Variants in NCOA5 observed in about 807,000 individuals in gnomAD.
NCOA5 encodes nuclear receptor coactivator 5.
A neutral mutation model predicts 59.0 loss-of-function variants in NCOA5; 12 were observed. The observed-to-expected ratio is 0.20, with a 90% CI of 0.13 to 0.33. The LOEUF is 0.33. NCOA5 is among the 10% of genes least tolerant of loss of function. The pLI, the probability that NCOA5 is intolerant of heterozygous loss-of-function variation, is 1.00. For synonymous variants in NCOA5, 270 were observed against 275.5 expected, an observed-to-expected ratio of 0.98 and a Z score of 0.20; for missense variants, 655 against 766.6, an observed-to-expected ratio of 0.85 and a Z score of 1.72.
At chr20:46,065,909 T>C (rs11700057) in intron 5 of NCOA5, among the ~76,000 whole-genome samples, 10 of 152,210 alleles carry the variant, frequency 6.6e-5, no homozygotes, top group Non-Finnish European at 1.3e-4. Context: ...TTATGATTAC[T>C]GTGAAGATTA....
chr20:46,079,297 G>A, intron 2 of NCOA5, 90 bp downstream of exon 2: 1 of 1,237,142 alleles, frequency 8.1e-7, no homozygotes, highest in East Asian at 2.3e-5. Context: ...ACTTGTTGGG[G>A]GGAAGAAAAG....
At chr20:46,068,752 T>G (rs2084850847) in intron 3 of NCOA5, 114 bp from the exon 4 acceptor site, 1 of 941,872 alleles carries the variant, frequency 1.1e-6, no homozygotes, top group Non-Finnish European at 1.6e-6. Flanking sequence ...ACTCACTGCA[T>G]TATCAGCTCT....
At chr20:46,064,932 G>A (rs2084805157) in intron 6 of NCOA5, 97 bp downstream of exon 6, 3 of 1,172,668 alleles carry the variant, frequency 2.6e-6, no homozygotes, top group East Asian at 2.3e-5. Flanking sequence ...TATGAACTGA[G>A]ATATAAGAGT....
chr20:46,065,389 G>A (rs2084812772), intron 5 of NCOA5, among the ~76,000 whole-genome samples, 161 bp from the exon 6 acceptor site: 1 of 152,056 alleles, frequency 6.6e-6, no homozygotes. Context: ...CTCTACCCTG[G>A]CTCAGAACGG....
chr20:46,086,741 T>A (rs1042944321), intron 1 of NCOA5, among the ~76,000 whole-genome samples: 1 of 152,208 alleles, frequency 6.6e-6, no homozygotes, highest in Admixed American at 6.5e-5. Context: ...GCAGTAATCA[T>A]TAATAAACCA....
At chr20:46,080,054 C>G (rs1008414559) in intron 1 of NCOA5, among the ~76,000 whole-genome samples, 12 of 135,482 alleles carry the variant, frequency 8.9e-5, no homozygotes, top group Admixed American at 7.5e-4. Flanking sequence ...AAGAATATGA[C>G]CTGTTAACAT....
chr20:46,079,250 A>C lies in NCOA5; in HGVS notation c.38+137T>G, dbSNP rs193025780. On this transcript the variant is annotated intron_variant, in intron 2 of 7. Coordinates refer to ENST00000290231, the MANE Select transcript of NCOA5 (RefSeq NM_020967.3). ...TAAAAAAAGCAGCAAGGCCCTTCAC[A>C]CAGGGTTCATGTTCTTATTGTTTGC... 45 of 786,154 alleles carry C rather than the reference A, an allele frequency of 5.7e-5. No homozygotes were observed. The East Asian group carries it at 1.1e-3, about 19-fold the overall frequency. 48.7% of individuals were successfully genotyped at this position (786,154 alleles called of 1,614,324 possible).
At chr20:46,076,354 C>T (rs1441611999) in intron 2 of NCOA5, among the ~76,000 whole-genome samples, 1 of 152,116 alleles carries the variant, frequency 6.6e-6, no homozygotes, top group Non-Finnish European at 1.5e-5. Flanking sequence ...AGTGTTCACC[C>T]TCAGTTAAAT....
chr20:46,088,780 C>T (rs1378749144), intron 1 of NCOA5, among the ~76,000 whole-genome samples: 2 of 152,228 alleles, frequency 1.3e-5, no homozygotes, highest in Non-Finnish European at 2.9e-5. Context: ...AAATTCTGTG[C>T]ACAGAGTGCA....
At chr20:46,074,423 T>C (rs893843319) in intron 2 of NCOA5, among the ~76,000 whole-genome samples, 1 of 152,164 alleles carries the variant, frequency 6.6e-6, no homozygotes, top group African/African-American at 2.4e-5. Context: ...AAATGCAGCA[T>C]ACCCTCAGGT....
At chr20:46,064,449 G>A (rs999955001) in intron 6 of NCOA5, among the ~76,000 whole-genome samples, 1 of 152,232 alleles carries the variant, frequency 6.6e-6, no homozygotes, top group Non-Finnish European at 1.5e-5. Flanking sequence ...GGAGGACTTC[G>A]AGAACTGGGC....
chr20:46,086,138 C>T (rs149606459), intron 1 of NCOA5, among the ~76,000 whole-genome samples: 3 of 152,272 alleles, frequency 2.0e-5, no homozygotes, highest in East Asian at 3.9e-4. Context: ...TCAGCCTCCC[C>T]AAACGCTGGG....
At chr20:46,089,485 G>A (rs1446536755) in intron 1 of NCOA5, among the ~76,000 whole-genome samples, 1 of 152,210 alleles carries the variant, frequency 6.6e-6, no homozygotes, top group Non-Finnish European at 1.5e-5. Flanking sequence ...GGTGCGGGAT[G>A]TGCGGCTCAA....
At chr20:46,064,956 C>T (rs2084805588) in intron 6 of NCOA5, 73 bp downstream of exon 6, 1 of 1,522,592 alleles carries the variant, frequency 6.6e-7, no homozygotes, top group South Asian at 1.1e-5. Context: ...TTGCCCAAAA[C>T]CTGCTTCTTC....
At chr20:46,087,021 G>A (rs902534048) in intron 1 of NCOA5, among the ~76,000 whole-genome samples, 12 of 152,138 alleles carry the variant, frequency 7.9e-5, no homozygotes, top group African/African-American at 2.9e-4. Context: ...CTAATTATGT[G>A]ATCTGGGGCA....
rs187178312 is a variant in NCOA5 at position 46,066,264 on chromosome 20, G to A, written c.629+791C>T. 3.3e-5 allele frequency among the ~76,000 whole-genome samples: 5 copies of A among 152,312 alleles called. No individual in the cohort carries two copies. In the East Asian group the frequency reaches 9.7e-4, roughly 29 times the overall value. On this transcript the variant is annotated intron_variant, in intron 5 of 7. Transcript: ENST00000290231. ...TGCTCTGCCTCTTCAAGGAGAAAAT[G>A]TAAAACAGGGATGCAGTGAAACAAT... is the stretch of plus-strand genomic sequence containing the variant.
At chr20:46,083,923 C>T (rs982355300) in intron 1 of NCOA5, among the ~76,000 whole-genome samples, 1 of 152,180 alleles carries the variant, frequency 6.6e-6, no homozygotes, top group African/African-American at 2.4e-5. Context: ...GTTATGCTTG[C>T]TCTTTCTAAA....
intron 4 of NCOA5, among the ~76,000 whole-genome samples, chr20:46,067,412 G>A (rs2084836254): frequency 6.6e-6 from 1 of 152,168 alleles, no homozygotes; most frequent in Admixed American, 6.5e-5. Context: ...GCTGCTCCCT[G>A]AGAAGGCTGA....
chr20:46,068,109 T>A (rs974063635), intron 4 of NCOA5, among the ~76,000 whole-genome samples: 18 of 152,132 alleles, frequency 1.2e-4, no homozygotes, highest in Non-Finnish European at 2.1e-4. Flanking sequence ...TTTTGTATTT[T>A]TTTTTGTAGA....
Sources: gnomAD v4.1 joint callset for allele counts (sites outside exome capture counted in the v4.1 genomes callset) on GRCh38, gnomAD v4.1.1 for gene constraint, MANE v1.5 for transcripts, NCBI Gene and HGNC (gene_info 2026-07-23, HGNC 2026-07-21) for gene names.